Variants in TET3 observed in about 807,000 individuals in gnomAD.
TET3 encodes methylcytosine dioxygenase TET3.
Under a neutral mutation model 141.4 loss-of-function variants are expected in TET3, and 19 were observed. The observed-to-expected ratio is 0.13, with a 90% confidence interval of 0.09 to 0.20. The LOEUF is 0.20. Ranked by LOEUF, TET3 falls within the 10% of genes least tolerant of loss-of-function variation. The pLI is 1.00. For synonymous variants in TET3, 1,043 were observed against 980.9 expected (o/e 1.06, Z -1.18); for missense variants, 1,874 against 2,356.9 (o/e 0.80, Z 4.24).
intron 4 of TET3, among the ~76,000 whole-genome samples, chr2:74,065,706 T>G (rs1245388324): frequency 6.6e-6 from 1 of 151,676 alleles, no homozygotes; most frequent in East Asian, 1.9e-4. Context: ...TTTTTCTTTC[T>G]TTCTTTCCTT....
At chr2:74,001,929 G>GT (rs1684867602) in intron 2 of TET3, among the ~76,000 whole-genome samples, 1 of 152,098 alleles carries the variant, frequency 6.6e-6, no homozygotes. Flanking sequence ...TTGGTGGGGA[G>GT]GCTGTCTTGG....
Position 74,087,734 on chromosome 2 carries a change from CCTG to C in TET3, c.2680-94_2680-92del. On this transcript the variant is annotated intron_variant, in intron 6 of 11. Coordinates refer to ENST00000409262, the MANE Select transcript of TET3 (RefSeq NM_001287491.2). The surrounding 1 kb of genome is among the most constrained non-coding windows in gnomAD (Gnocchi z 4.3). ...CATCCCTAGAACCCTGCCGTTAAGA[CCTG>C]CACCCTGGGTCTGTGTGACAAAGGG... 7.9e-7 allele frequency: 1 copy of C among 1,271,252 alleles called. No individual in the cohort carries two copies. The highest frequency in any genetic ancestry group is 1.1e-6 in the Non-Finnish European group (1 of 934,204). 78.7% of individuals were successfully genotyped at this position (1,271,252 alleles called of 1,614,324 possible). A position where few individuals can be genotyped will look rare whatever the true frequency, so the allele number is the denominator to read the frequency against.
the TET3 span, among the ~76,000 whole-genome samples, chr2:74,127,714 G>C: frequency 9.3e-5 from 14 of 151,002 alleles, no homozygotes; most frequent in South Asian, 2.9e-3. Context: ...TTTCTTTAAA[G>C]TTGTGCAAAT....
intron 4 of TET3, among the ~76,000 whole-genome samples, chr2:74,057,560 A>G (rs10200470): frequency 0.4 from 60,242 of 152,130 alleles, 15,083 homozygotes; most frequent in African/African-American, 0.71. Flanking sequence ...TTGGGCAAAT[A>G]AGTATAGACC....
chr2:74,102,280 T>A lies in TET3; in HGVS notation c.*104T>A. 10 of 1,351,576 alleles carry A rather than the reference T, an allele frequency of 7.4e-6. No individual in the cohort carries two copies. Among genetic ancestry groups the A allele is most frequent in the Non-Finnish European group, 8.5e-6 (9 of 1,053,922 alleles). 83.7% of individuals were successfully genotyped at this position (1,351,576 alleles called of 1,614,324 possible). ...GCGGGTTGGGGGTGCAGAAGTCTTT[T>A]TATCTCTATATACATATATAGATGC... is the stretch of plus-strand genomic sequence containing the variant. On this transcript the variant is annotated 3_prime_UTR_variant, in exon 12 of 12. Coordinates refer to ENST00000409262, the MANE Select transcript of TET3 (RefSeq NM_001287491.2).
At chr2:74,072,187 A>G (rs551521485) in intron 4 of TET3, among the ~76,000 whole-genome samples, 9 of 152,310 alleles carry the variant, frequency 5.9e-5, no homozygotes, top group Non-Finnish European at 8.8e-5. Context: ...GAATCATACA[A>G]TGTGTGACCT....
chr2:74,120,367 G>A, the TET3 span, among the ~76,000 whole-genome samples: 6 of 152,266 alleles, frequency 3.9e-5, no homozygotes, highest in Admixed American at 2.0e-4. Context: ...CCGGAGAGAT[G>A]GCGGGCGACG....
intron 10 of TET3, among the ~76,000 whole-genome samples, chr2:74,095,266 A>G (rs889195500): frequency 6.6e-5 from 10 of 152,182 alleles, no homozygotes; most frequent in African/African-American, 2.4e-4. Flanking sequence ...AAGAAGGGGC[A>G]GCTCCTGCTG....
chr2:74,054,497 G>A (rs1688112963), intron 4 of TET3, among the ~76,000 whole-genome samples: 1 of 152,194 alleles, frequency 6.6e-6, no homozygotes, highest in African/African-American at 2.4e-5. Flanking sequence ...TTGAATGTCT[G>A]TGGGACCTGG....
chr2:74,058,663 C>T (rs1688339323), intron 4 of TET3, among the ~76,000 whole-genome samples: 1 of 151,756 alleles, frequency 6.6e-6, no homozygotes. Context: ...ATGTAAATCA[C>T]AAGTGTACAG....
chr2:74,041,465 T>G (rs1373729200), intron 3 of TET3, among the ~76,000 whole-genome samples: 2 of 152,186 alleles, frequency 1.3e-5, no homozygotes, highest in Non-Finnish European at 2.9e-5. Flanking sequence ...CTGTCACTGC[T>G]TGTGCTGTAG....
chr2:74,094,303 G>C (rs968996774), intron 10 of TET3, among the ~76,000 whole-genome samples: 2 of 152,176 alleles, frequency 1.3e-5, no homozygotes, highest in Non-Finnish European at 2.9e-5. Context: ...TGCAGGCTCC[G>C]AGCGGGGAGC....
intron 3 of TET3, among the ~76,000 whole-genome samples, chr2:74,044,953 A>G (rs1223262035): frequency 6.6e-6 from 1 of 152,208 alleles, no homozygotes; most frequent in Non-Finnish European, 1.5e-5. Flanking sequence ...GCTTTTCCCC[A>G]GTCTAAGGTC....
chr2:74,061,216 G>A lies in TET3; in HGVS notation c.2495-12333G>A, dbSNP rs1267550079. On this transcript the variant is annotated intron_variant, in intron 4 of 11. Coordinates refer to ENST00000409262, the MANE Select transcript of TET3 (RefSeq NM_001287491.2). ...GGGCTGACCCCCCCACCTCCCTCCCGGACGGGGTGGCTGGCCGGGCGGGGG... is the reference window on the plus strand; with the variant it reads ...GGGCTGACCCCCCCACCTCCCTCCCAGACGGGGTGGCTGGCCGGGCGGGGG... Among the ~76,000 whole-genome samples, 9 of 144,674 alleles carry A rather than the reference G, an allele frequency of 6.2e-5. No individual in the cohort carries two copies. In the South Asian group the frequency reaches 8.8e-4, roughly 14 times the overall value. The allele number at this position is 144,674 out of a possible 152,430, so 94.9% of individuals were successfully genotyped here.
At chr2:74,007,218 TG>T (rs1685196549) in intron 3 of TET3, among the ~76,000 whole-genome samples, 1 of 152,238 alleles carries the variant, frequency 6.6e-6, no homozygotes, top group Non-Finnish European at 1.5e-5. Context: ...GCGTTGTGTT[TG>T]GGGCTGTGAA....
intron 4 of TET3, among the ~76,000 whole-genome samples, chr2:74,065,769 T>C (rs1558763118): frequency 6.6e-6 from 1 of 151,584 alleles, no homozygotes; most frequent in Non-Finnish European, 1.5e-5. Flanking sequence ...CTTTTGTTTT[T>C]TCTTTTTTTA....
In TET3 at chr2:74,047,367, C is replaced by G. The variant is rs1227562105; in HGVS notation, c.1450C>G (p.Leu484Val). Reference protein sequence around the residue: ...IQSVFKRPEALPTKPKVKVEA... With the variant: ...IQSVFKRPEAVPTKPKVKVEA... ...GTCAGTATTCAAGCGGCCTGAGGCC[C>G]TGCCTACCAAGCCCAAGGTCAAGGT... is the stretch of plus-strand genomic sequence containing the variant. The change falls in exon 4 of 12, where the codon CTG (leucine) becomes GTG (valine). Residue 484 changes from leucine to valine, a missense_variant. Physicochemically the swap from Leu to Val is conservative, Grantham distance 32 (BLOSUM62 1). This residue lies in a region of TET3 where 484 missense variants were observed against 462.2 expected (regional missense o/e 1.05). Transcript: ENST00000409262. 5.0e-6 allele frequency: 8 copies of G among 1,613,826 alleles called. No individual in the cohort carries two copies. Among genetic ancestry groups the G allele is most frequent in the Non-Finnish European group, 6.8e-6 (8 of 1,179,906 alleles).
downstream of TET3, among the ~76,000 whole-genome samples, chr2:74,109,023 G>A (rs1449524947): frequency 6.6e-6 from 1 of 152,140 alleles, no homozygotes; most frequent in Non-Finnish European, 1.5e-5. Flanking sequence ...TGGCTATCCA[G>A]GGATCCTCAA....
chr2:73,994,536 G>A (rs1684482976), intron 2 of TET3, among the ~76,000 whole-genome samples: 1 of 152,128 alleles, frequency 6.6e-6, no homozygotes, highest in African/African-American at 2.4e-5. Flanking sequence ...CCTCTGGGTT[G>A]CGGGAAGGTT....
Sources: allele counts gnomAD v4.1 joint callset (sites outside exome capture counted in the v4.1 genomes callset), GRCh38; gene constraint gnomAD v4.1.1; regional missense constraint gnomAD v4.1.1; non-coding constraint Gnocchi (gnomAD v3.1); transcripts MANE v1.5; gene names NCBI Gene and HGNC (gene_info 2026-07-23, HGNC 2026-07-21).